The following SOAT1 variants were observed in gnomAD, a reference collection of about 807,000 sequenced individuals.
SOAT1 encodes acyl-coenzyme A:cholesterol acyltransferase 1.
Under a neutral mutation model 69.5 loss-of-function variants are expected in SOAT1, and 55 were observed. That is an observed-to-expected ratio of 0.79 (90% CI 0.64 to 0.99). The LOEUF (loss-of-function observed/expected upper bound fraction) is 0.99, where lower values mean the gene tolerates loss of function less well. Among genes scored for constraint, SOAT1 ranks in the 50% least tolerant of loss-of-function variants. SOAT1 has a pLI of 0.00. For missense variants in SOAT1, 580 were observed against 669.3 expected, an observed-to-expected ratio of 0.87 and a Z score of 1.47; for synonymous variants, 231 against 224.7, an observed-to-expected ratio of 1.03 and a Z score of -0.25.
chr1:179,333,519 TAGTG>T (rs142640498), intron 3 of SOAT1, among the ~76,000 whole-genome samples: 1,540 of 151,014 alleles, frequency 0.01, 34 homozygotes, highest in African/African-American at 0.035. Flanking sequence ...CTGGCCAACA[TAGTG>T]AGACCACATC....
chr1:179,301,925 T>C (rs1664842960), intron 1 of SOAT1, among the ~76,000 whole-genome samples: 1 of 152,206 alleles, frequency 6.6e-6, no homozygotes, highest in Non-Finnish European at 1.5e-5. Context: ...TGCTAATCTC[T>C]GCTGTCTCTG....
chr1:179,340,630 AATC>A (rs1298688783), intron 6 of SOAT1, among the ~76,000 whole-genome samples: 2 of 152,210 alleles, frequency 1.3e-5, no homozygotes, highest in Non-Finnish European at 2.9e-5. Flanking sequence ...TCTTCTGAAA[AATC>A]ATCTTTTGTA....
Position 179,354,773 on chromosome 1 carries a change from A to T in SOAT1, c.*1132A>T, listed in dbSNP as rs1182648817. 6.6e-6 allele frequency: 1 copy of T among 152,190 alleles called. No individual in the cohort carries two copies. Among genetic ancestry groups the T allele is most frequent in the Non-Finnish European group, 1.5e-5 (1 of 68,034 alleles). The allele number at this position is 152,190 out of a possible 1,614,324, so 9.4% of individuals were successfully genotyped here. A position where few individuals can be genotyped will look rare whatever the true frequency, so the allele number is the denominator to read the frequency against. ...CTCTATTATGTAATACTTCCATTTT[A>T]TAAGATGCCCATTTCTAATACAATG... On this transcript the variant is annotated 3_prime_UTR_variant, in exon 16 of 16. Coordinates refer to ENST00000367619, the MANE Select transcript of SOAT1 (RefSeq NM_003101.6).
In SOAT1 at chr1:179,302,809, C is replaced by A; in HGVS notation, c.118+7C>A. ...CTAGAGACACCTAGTAATGGTGAGG[C>A]TTAATTTTTTTTTTTTAGGTGAATT... On this transcript the variant is annotated splice_region_variant and intron_variant, in intron 2 of 15. Coordinates refer to ENST00000367619, the MANE Select transcript of SOAT1 (RefSeq NM_003101.6). 6.6e-7 allele frequency: 1 copy of A among 1,513,916 alleles called. No individual in the cohort carries two copies. The highest frequency in any genetic ancestry group is 8.9e-7 in the Non-Finnish European group (1 of 1,121,820). The allele number at this position is 1,513,916 out of a possible 1,614,324, so 93.8% of individuals were successfully genotyped here.
At chr1:179,296,040 C>T (rs1241726547) in intron 1 of SOAT1, among the ~76,000 whole-genome samples, 1 of 134,770 alleles carries the variant, frequency 7.4e-6, no homozygotes, top group Non-Finnish European at 1.5e-5. Flanking sequence ...AGGCTGGTCT[C>T]GAACTTCCAA....
intron 2 of SOAT1, among the ~76,000 whole-genome samples, chr1:179,314,975 T>TATTAAGTTTCAGATAGCAA (rs1665342409): frequency 6.6e-6 from 1 of 152,200 alleles, no homozygotes; most frequent in Admixed American, 6.6e-5. Flanking sequence ...TGCGGGGTTC[T>TATTAAGTTTCAGATAGCAA]ATTAAGTTTC....
intron 2 of SOAT1, among the ~76,000 whole-genome samples, chr1:179,315,883 C>CT (rs1255765432): frequency 3.3e-5 from 5 of 152,242 alleles, no homozygotes; most frequent in African/African-American, 1.2e-4. Context: ...CTTTTGTCTT[C>CT]ATTTTTTTAT....
intron 1 of SOAT1, among the ~76,000 whole-genome samples, chr1:179,296,086 G>A (rs1265160872): frequency 1.4e-5 from 2 of 145,862 alleles, no homozygotes; most frequent in African/African-American, 5.1e-5. Flanking sequence ...CTCCCAAAGT[G>A]CTGGGATTAC....
At chr1:179,307,742 A>G (rs1253548421) in intron 2 of SOAT1, among the ~76,000 whole-genome samples, 1 of 152,058 alleles carries the variant, frequency 6.6e-6, no homozygotes, top group South Asian at 2.1e-4. Context: ...AGGATAGCAA[A>G]TATGAAAGCA....
chr1:179,303,620 TATCAACA>T (rs1664909260), intron 2 of SOAT1, among the ~76,000 whole-genome samples: 1 of 152,230 alleles, frequency 6.6e-6, no homozygotes, highest in African/African-American at 2.4e-5. Flanking sequence ...TAAACTTAAA[TATCAACA>T]GCTGGATCCC....
At chr1:179,347,855 T>C (rs1006333847) in intron 12 of SOAT1, among the ~76,000 whole-genome samples, 158 bp downstream of exon 12, 15 of 152,254 alleles carry the variant, frequency 9.9e-5, no homozygotes, top group Non-Finnish European at 1.5e-5. Context: ...GAAATTCGGT[T>C]ACAGATATAA....
intron 2 of SOAT1, among the ~76,000 whole-genome samples, chr1:179,314,313 G>A (rs879445961): frequency 5.3e-5 from 8 of 152,140 alleles, no homozygotes; most frequent in Non-Finnish European, 1.0e-4. Flanking sequence ...TATAAATTGA[G>A]TAAATTAGTT....
At chr1:179,329,320 CAA>C (rs1378432963) in intron 3 of SOAT1, among the ~76,000 whole-genome samples, 9 of 151,634 alleles carry the variant, frequency 5.9e-5, no homozygotes, top group African/African-American at 1.9e-4. Flanking sequence ...GCCTGGGAGA[CAA>C]GAGTGAAACT....
intron 1 of SOAT1, among the ~76,000 whole-genome samples, chr1:179,297,951 GA>G (rs1664708127): frequency 6.7e-6 from 1 of 149,916 alleles, no homozygotes; most frequent in Non-Finnish European, 1.5e-5. Context: ...GCGGTGAGCT[GA>G]GATCGTGCCA....
intron 15 of SOAT1, among the ~76,000 whole-genome samples, chr1:179,352,833 T>G (rs1329475787): frequency 6.6e-6 from 1 of 152,050 alleles, no homozygotes; most frequent in Non-Finnish European, 1.5e-5. Flanking sequence ...TATTTCATAT[T>G]AATCTCCTTT....
chr1:179,312,955 G>T (rs1665268420), intron 2 of SOAT1, among the ~76,000 whole-genome samples: 1 of 152,146 alleles, frequency 6.6e-6, no homozygotes, highest in African/African-American at 2.4e-5. Context: ...CAATAAGCTT[G>T]AGTGGGTCAT....
rs183583227 is a variant in SOAT1, at chr1:179,323,761, A to G, written c.177+266A>G. On this transcript the variant is annotated intron_variant, in intron 3 of 15. Transcript: ENST00000367619. ...TTTTAGTGACCCACGTTAACAGTTG[A>G]TAGCGTTGAATGTCTGTATGAGTGC... is the stretch of plus-strand genomic sequence containing the variant. Among the ~76,000 whole-genome samples the G allele has an allele frequency of 2.6e-3, 396 of 152,262 alleles. 4 individuals are homozygous for G. Among genetic ancestry groups the G allele is most frequent in the African/African-American group, 8.9e-3 (369 of 41,540 alleles).
chr1:179,315,545 G>T (rs1665362709), intron 2 of SOAT1, among the ~76,000 whole-genome samples: 1 of 151,992 alleles, frequency 6.6e-6, no homozygotes, highest in Admixed American at 6.6e-5. Context: ...ATTTTAAATT[G>T]TAGAAAGTTA....
chr1:179,302,485 C>A (rs1338532494), intron 1 of SOAT1, among the ~76,000 whole-genome samples, 192 bp from the exon 2 acceptor site: 1 of 152,196 alleles, frequency 6.6e-6, no homozygotes, highest in Non-Finnish European at 1.5e-5. Context: ...TCTGTCTCTC[C>A]TGCCGCCACG....
Sources: gnomAD v4.1 joint callset for allele counts (sites outside exome capture counted in the v4.1 genomes callset) on GRCh38, gnomAD v4.1.1 for gene constraint, MANE v1.5 for transcripts, NCBI Gene and HGNC (gene_info 2026-07-23, HGNC 2026-07-21) for gene names.